The following SOD2 variants were observed in gnomAD, a reference collection of about 807,000 sequenced individuals.
SOD2 encodes superoxide dismutase 2, also known as superoxide dismutase [Mn], mitochondrial.
A neutral mutation model predicts 27.0 loss-of-function variants in SOD2; 11 were observed. The ratio of observed to expected loss-of-function variants is 0.41; its 90% CI spans 0.26 to 0.67. The LOEUF is 0.67. Among genes scored for constraint, SOD2 ranks in the 30% least tolerant of loss-of-function variants. The probability of loss-of-function intolerance (pLI) is 0.34; values close to 1 mark genes in which losing one functional copy is unlikely to be tolerated. For synonymous variants in SOD2, 105 were observed against 103.0 expected (o/e 1.02, Z -0.12); for missense variants, 250 against 274.5 (o/e 0.91, Z 0.63).
At chr6:159,682,744 G>T in intron 4 of SOD2, 106 bp from the exon 5 acceptor site, 1 of 1,058,946 alleles carries the variant, frequency 9.4e-7, no homozygotes, top group Non-Finnish European at 1.3e-6. Context: ...ATTACCCTTT[G>T]TAACAATCTC....
In SOD2 at chr6:159,670,566, A is replaced by G. The variant is rs1582993098; in HGVS notation, c.*11927T>C. On this transcript the variant is annotated 3_prime_UTR_variant, in exon 5 of 5. Transcript: ENST00000538183. ...CAATATCCATTTATCCTCTATAATC[A>G]TAGTCAATACACAGAGAAAACCAAA... 1 of 152,406 alleles carries G rather than the reference A, an allele frequency of 6.6e-6. No individual in the cohort carries two copies. Among genetic ancestry groups the G allele is most frequent in the East Asian group, 1.9e-4 (1 of 5,188 alleles). 9.4% of individuals were successfully genotyped at this position (152,406 alleles called of 1,614,324 possible). A position where few individuals can be genotyped will look rare whatever the true frequency, so the allele number is the denominator to read the frequency against.
At position 159,672,366 on chromosome 6, in the gene SOD2, G is replaced by T. The variant is rs1294153025; in HGVS notation, c.*10127C>A. On this transcript the variant is annotated 3_prime_UTR_variant, in exon 5 of 5. Transcript: ENST00000538183. The stretch of plus-strand genomic sequence containing the variant: ...AGAAAGGTCGGGTTACCCACAAAGG[G>T]AAGCCCATCAGACTAACAGCTGATC... The T allele has an allele frequency of 6.6e-6, 1 of 152,168 alleles. No individual in the cohort carries two copies. The highest frequency in any genetic ancestry group is 1.5e-5 in the Non-Finnish European group (1 of 68,034). 9.4% of individuals were successfully genotyped at this position (152,168 alleles called of 1,614,324 possible). A position where few individuals can be genotyped will look rare whatever the true frequency, so the allele number is the denominator to read the frequency against.
chr6:159,726,539 G>A (rs368087071), intron 1 of SOD2: 9 of 339,446 alleles, frequency 2.7e-5, no homozygotes, highest in African/African-American at 1.5e-4. Context: ...AGTGTTTAGA[G>A]ACTGTTTCAC....
At chr6:159,694,614 GAGACAC>G (rs1777382252), upstream of SOD2, among the ~76,000 whole-genome samples, 1 of 151,902 alleles carries the variant, frequency 6.6e-6, no homozygotes, top group African/African-American at 2.4e-5. Flanking sequence ...ATTTATTTTT[GAGACAC>G]AGCCTCGCTC....
chr6:159,753,355 T>C (rs1191575818), intron 1 of SOD2: 1 of 1,473,896 alleles, frequency 6.8e-7, no homozygotes, highest in Non-Finnish European at 9.4e-7. Flanking sequence ...GCATCTGCTG[T>C]GATATAGTTA....
upstream of SOD2, among the ~76,000 whole-genome samples, chr6:159,732,278 T>G (rs1486495077): frequency 6.6e-6 from 1 of 152,188 alleles, no homozygotes; most frequent in African/African-American, 2.4e-5. Context: ...TCCATGATAC[T>G]TTAGTATTAC....
chr6:159,743,638 A>G lies in SOD2; in HGVS notation c.-116+1492T>C, dbSNP rs1232400854. 8 of 1,570,174 alleles carry G rather than the reference A, an allele frequency of 5.1e-6. No individual in the cohort carries two copies. The South Asian group carries it at 8.5e-5, about 17-fold the overall frequency. ...ATTTAGAACTTGATCTTAAAATTGT[A>G]TTTATAATTTTTTTTTGAATCATCA... On this transcript the variant is annotated intron_variant, in intron 1 of 3. Coordinates refer to the SOD2 transcript ENST00000537657.
At chr6:159,738,892 G>A (rs1055521383) in intron 1 of SOD2, 30 of 901,702 alleles carry the variant, frequency 3.3e-5, no homozygotes, top group African/African-American at 6.8e-5. Context: ...GTACTGAGCC[G>A]TTTAAATCTC....
At chr6:159,738,994 G>A (rs1203268608) in intron 1 of SOD2, 2 of 1,610,688 alleles carry the variant, frequency 1.2e-6, no homozygotes, top group Non-Finnish European at 1.7e-6. Context: ...TTATAGGTTC[G>A]ATTGAGTGAA....
chr6:159,713,727 CTA>C (rs1777873564), intron 1 of SOD2: 2 of 916,854 alleles, frequency 2.2e-6, no homozygotes, highest in African/African-American at 3.2e-5. Context: ...CATTTCAACA[CTA>C]TTAGACTTGA....
At chr6:159,761,406 C>T (rs116119713) in exon 1 of SOD2, 2 of 387,102 alleles carry the variant, frequency 5.2e-6, no homozygotes, top group Admixed American at 6.8e-5. Context: ...GACGCTAAGA[C>T]GCTCCCGGCG....
chr6:159,753,627 T>TA (rs1779897803), intron 1 of SOD2: 1 of 1,591,176 alleles, frequency 6.3e-7, no homozygotes, highest in African/African-American at 1.4e-5. Flanking sequence ...AAGGGGTTTG[T>TA]TTCTTTTTGG....
intron 2 of SOD2, among the ~76,000 whole-genome samples, chr6:159,690,659 TGA>T (rs1388195665): frequency 1.3e-5 from 2 of 152,154 alleles, no homozygotes; most frequent in Non-Finnish European, 2.9e-5. Flanking sequence ...TAAATTTTCT[TGA>T]GAGTCACTCT....
At chr6:159,726,881 G>A (rs1349807716) in intron 1 of SOD2, 25 of 1,289,076 alleles carry the variant, frequency 1.9e-5, no homozygotes, top group Middle Eastern at 2.1e-4. Flanking sequence ...GTAAACGCCC[G>A]CGGCTCGCCG....
intron 1 of SOD2, among the ~76,000 whole-genome samples, chr6:159,718,778 G>A (rs911401293): frequency 6.6e-6 from 1 of 152,110 alleles, no homozygotes; most frequent in Non-Finnish European, 1.5e-5. Context: ...ATGTGTCTTA[G>A]GCTAATTGCT....
At chr6:159,737,140 T>G (rs1778970752) in intron 1 of SOD2, among the ~76,000 whole-genome samples, 1 of 152,032 alleles carries the variant, frequency 6.6e-6, no homozygotes, top group Admixed American at 6.6e-5. Context: ...CTCCGCCTCC[T>G]GGGCTCAAGC....
intron 1 of SOD2, chr6:159,755,571 G>A (rs1171701562): frequency 1.2e-6 from 2 of 1,613,862 alleles, no homozygotes; most frequent in Non-Finnish European, 1.7e-6. Flanking sequence ...GTTCAGAATG[G>A]CTTGGACTCA....
chr6:159,736,301 G>A (rs368872375), intron 1 of SOD2: 16 of 1,601,912 alleles, frequency 1.0e-5, no homozygotes, highest in Non-Finnish European at 1.2e-5. Flanking sequence ...AGAAGGTATG[G>A]GTTTTGGTTT....
intron 1 of SOD2, chr6:159,727,094 G>C: frequency 8.4e-7 from 1 of 1,194,620 alleles, no homozygotes; most frequent in Non-Finnish European, 1.1e-6. Flanking sequence ...CTCCGACCTC[G>C]CTGGCCCGCC....
Sources: allele counts gnomAD v4.1 joint callset (sites outside exome capture counted in the v4.1 genomes callset), GRCh38; gene constraint gnomAD v4.1.1; transcripts MANE v1.5; gene names NCBI Gene and HGNC (gene_info 2026-07-23, HGNC 2026-07-21).